CFAP91: variants seen among roughly 807,000 people sequenced by gnomAD.
CFAP91 encodes cilia and flagella associated protein 91.
In CFAP91, 85 loss-of-function variants were observed where a neutral mutation model predicts 95.9. The ratio of observed to expected loss-of-function variants is 0.89; its 90% confidence interval spans 0.74 to 1.06. The LOEUF is 1.06. CFAP91 is among the 50% of genes least tolerant of loss of function. The probability of loss-of-function intolerance (pLI) is 0.00; values close to 1 mark genes in which losing one functional copy is unlikely to be tolerated. For missense variants in CFAP91, 962 were observed against 943.4 expected (o/e 1.02, Z -0.26); for synonymous variants, 335 against 327.5 (o/e 1.02, Z -0.25).
chr3:119,744,976 G>A (rs2107905587), intron 14 of CFAP91, among the ~76,000 whole-genome samples: 1 of 152,238 alleles, frequency 6.6e-6, no homozygotes, highest in African/African-American at 2.4e-5. Context: ...ATGGAACAGA[G>A]GAGCTACTAT....
Position 119,738,332 on chromosome 3 carries a change from C to CTTTTTTTTTT in CFAP91, c.1461+875_1461+884dup, listed in dbSNP as rs556125660. On this transcript the variant is annotated intron_variant, in intron 11 of 17. Coordinates refer to ENST00000273390, the MANE Select transcript of CFAP91 (RefSeq NM_033364.4). ...TGCAGGGCTTTGGTTGACATATTGT[C>CTTTTTTTTTT]TTTTTTTTTTTTTTTTTTTTTTTTT... Among the ~76,000 whole-genome samples, 54 of 23,074 alleles carry CTTTTTTTTTT rather than the reference C, an allele frequency of 2.3e-3. 14 individuals are homozygous for CTTTTTTTTTT. Among genetic ancestry groups the CTTTTTTTTTT allele is most frequent in the South Asian group, 6.7e-3 (2 of 298 alleles). The allele number at this position is 23,074 out of a possible 152,430, so 15.1% of individuals were successfully genotyped here.
intron 8 of CFAP91, 58 bp from the exon 9 acceptor site, chr3:119,732,236 G>A (rs2053912728): frequency 7.4e-7 from 1 of 1,358,666 alleles, no homozygotes; most frequent in Non-Finnish European, 1.0e-6. Context: ...TTACTCTTCT[G>A]CATTTGTAAT....
At chr3:119,748,274 C>T (rs2054262118) in intron 16 of CFAP91, among the ~76,000 whole-genome samples, 1 of 152,052 alleles carries the variant, frequency 6.6e-6, no homozygotes, top group South Asian at 2.1e-4. Context: ...ACACGTGAAC[C>T]GTGAATGTTA....
intron 9 of CFAP91, 55 bp downstream of exon 9, chr3:119,732,531 G>A: frequency 6.1e-6 from 7 of 1,145,900 alleles, no homozygotes; most frequent in Non-Finnish European, 8.6e-6. Flanking sequence ...TCAGAAATAT[G>A]ATTAAATATA....
At chr3:119,759,277 C>T (rs544750802) in intron 17 of CFAP91, among the ~76,000 whole-genome samples, 3 of 151,852 alleles carry the variant, frequency 2.0e-5, no homozygotes, top group Non-Finnish European at 4.4e-5. Context: ...TTTAGGAATG[C>T]ATACTTAGAA....
rs758418675 is a variant in CFAP91 at position 119,708,658 on chromosome 3, T to C, written c.427T>C (p.Tyr143His). The C allele has an allele frequency of 2.0e-5, 31 of 1,586,348 alleles. No homozygotes were observed. In the East Asian group the frequency reaches 6.9e-4, roughly 36 times the overall value. Residue 143 changes from tyrosine to histidine, a missense_variant, in exon 4 of 18, where the codon TAT (tyrosine) becomes CAT (histidine). Coordinates refer to ENST00000273390, the MANE Select transcript of CFAP91 (RefSeq NM_033364.4). Reference sequence around the variant, plus strand: ...TCCTGAAGTTACTGGAAAGAATCGCTATAAATACTTTGAAAGGTAGAACAT... The same window carrying C: ...TCCTGAAGTTACTGGAAAGAATCGCCATAAATACTTTGAAAGGTAGAACAT... ...EDPEVTGKNR[Y>H]KYFERPFLPF...
chr3:119,705,041 G>A (rs997095263), intron 1 of CFAP91, among the ~76,000 whole-genome samples: 8 of 152,068 alleles, frequency 5.3e-5, no homozygotes, highest in Non-Finnish European at 1.0e-4. Context: ...CTCATAACCC[G>A]TTTCTAAGAA....
intron 10 of CFAP91, among the ~76,000 whole-genome samples, chr3:119,736,674 C>A (rs536622158): frequency 1.4e-4 from 21 of 152,236 alleles, no homozygotes; most frequent in Admixed American, 5.9e-4. Flanking sequence ...TTTCACTTAG[C>A]ATAGTATTTT....
chr3:119,717,170 C>T (rs1325614034), intron 6 of CFAP91, among the ~76,000 whole-genome samples: 1 of 152,174 alleles, frequency 6.6e-6, no homozygotes, highest in Non-Finnish European at 1.5e-5. Context: ...GGGCCAGCGC[C>T]CTTCTCCTGC....
At chr3:119,703,349 G>A (rs2053294569) in intron 1 of CFAP91, 127 bp downstream of exon 1, 4 of 1,432,416 alleles carry the variant, frequency 2.8e-6, no homozygotes, top group Non-Finnish European at 3.8e-6. Flanking sequence ...TCTTGCCCAC[G>A]GTTGTCCTTG....
intron 13 of CFAP91, 29 bp from the exon 14 acceptor site, chr3:119,743,946 G>A: frequency 6.5e-7 from 1 of 1,540,154 alleles, no homozygotes; most frequent in Non-Finnish European, 8.8e-7. Context: ...TGGAATTTGT[G>A]TCCTTAAAGT....
chr3:119,733,363 G>C lies in CFAP91; in HGVS notation c.1202-1G>C, dbSNP rs776659558. On this transcript the variant is annotated splice_acceptor_variant, in intron 9 of 17. Coordinates refer to ENST00000273390, the MANE Select transcript of CFAP91 (RefSeq NM_033364.4). LOFTEE classifies it high-confidence loss of function. ...TAAAAACATGTGCTTCCTTCCCATA[G>C]GATTAGTGGAACTTGAGTCATGTCT... is the stretch of plus-strand genomic sequence containing the variant. 6 of 1,613,718 alleles carry C rather than the reference G, an allele frequency of 3.7e-6. No homozygotes were observed. In the Admixed American group the frequency reaches 1.0e-4, roughly 27 times the overall value.
At chr3:119,720,392 G>T (rs1181703735) in intron 6 of CFAP91, among the ~76,000 whole-genome samples, 1 of 83,896 alleles carries the variant, frequency 1.2e-5, no homozygotes, top group African/African-American at 3.0e-5. Context: ...GCAAGACTCT[G>T]TCTCAAAAAA....
intron 6 of CFAP91, among the ~76,000 whole-genome samples, chr3:119,725,739 A>T (rs2107878331): frequency 6.6e-6 from 1 of 152,238 alleles, no homozygotes; most frequent in African/African-American, 2.4e-5. Context: ...CCTGGGCAAC[A>T]GAGTGAGACC....
Position 119,715,564 on chromosome 3 carries a change from C to G in CFAP91, c.503C>G (p.Ala168Gly). The change falls in exon 6 of 18, where the codon GCA becomes GGA. Residue 168 changes from alanine to glycine, a missense_variant and splice_region_variant. Coordinates refer to ENST00000273390, the MANE Select transcript of CFAP91 (RefSeq NM_033364.4). ...PFNVVYAVSK[A>G]EPYTFPPTST... ...TTAAACTGATTTTTCTCTTTTAGGG[C>G]AGAACCATACACTTTTCCTCCTACT... 1 of 1,613,720 alleles carries G rather than the reference C, an allele frequency of 6.2e-7. No homozygotes were observed. Among genetic ancestry groups the G allele is most frequent in the Middle Eastern group, 1.7e-4 (1 of 6,008 alleles).
intron 10 of CFAP91, among the ~76,000 whole-genome samples, chr3:119,736,268 GT>G (rs770777389): frequency 5.4e-3 from 459 of 85,328 alleles, no homozygotes; most frequent in East Asian, 0.018. Flanking sequence ...TCTTTCTATT[GT>G]TTTTTTTTTT....
intron 13 of CFAP91, 56 bp downstream of exon 13, chr3:119,740,751 TATC>T: frequency 6.5e-7 from 1 of 1,546,754 alleles, no homozygotes; most frequent in South Asian, 1.2e-5. Context: ...CCCTTGATTT[TATC>T]ATCACACAGC....
intron 17 of CFAP91, among the ~76,000 whole-genome samples, chr3:119,753,493 C>T (rs933979354): frequency 6.6e-6 from 1 of 152,144 alleles, no homozygotes. Flanking sequence ...AATGTAAATT[C>T]TCTTTACAGA....
chr3:119,739,430 T>A (rs2054074649), intron 12 of CFAP91, 104 bp downstream of exon 12: 2 of 995,720 alleles, frequency 2.0e-6, no homozygotes, highest in Non-Finnish European at 3.1e-6. Flanking sequence ...TGCACCCTGC[T>A]ATCCTATTCA....
Sources: gnomAD v4.1 joint callset for allele counts (sites outside exome capture counted in the v4.1 genomes callset) on GRCh38, gnomAD v4.1.1 for gene constraint, MANE v1.5 for transcripts, NCBI Gene and HGNC (gene_info 2026-07-23, HGNC 2026-07-21) for gene names.